The following GALNTL6 variants were observed in gnomAD, a reference collection of about 807,000 sequenced individuals.
GALNTL6 encodes polypeptide N-acetylgalactosaminyltransferase like 6.
A neutral mutation model predicts 73.7 loss-of-function variants in GALNTL6; 46 were observed. The ratio of observed to expected loss-of-function variants is 0.62; its 90% CI spans 0.49 to 0.80. The LOEUF (loss-of-function observed/expected upper bound fraction) is 0.80. Ranked by LOEUF, GALNTL6 falls within the 30% of genes least tolerant of loss-of-function variation. The pLI, the probability that GALNTL6 is intolerant of heterozygous loss-of-function variation, is 0.00. For synonymous variants in GALNTL6, 259 were observed against 263.7 expected (o/e 0.98, Z 0.17); for missense variants, 604 against 755.0 (o/e 0.80, Z 2.34).
intron 2 of GALNTL6, among the ~76,000 whole-genome samples, chr4:172,185,671 G>A (rs976674815): frequency 2.6e-5 from 4 of 152,124 alleles, no homozygotes; most frequent in African/African-American, 9.7e-5. Context: ...TTAAAAATGT[G>A]TACAAAAAGT....
chr4:172,732,179 T>C (rs1305613963), intron 5 of GALNTL6, among the ~76,000 whole-genome samples: 1 of 152,170 alleles, frequency 6.6e-6, no homozygotes, highest in Non-Finnish European at 1.5e-5. Context: ...TATCTCTTCC[T>C]TTAGGTCTAT....
chr4:172,685,492 A>G (rs1417066251), intron 5 of GALNTL6, among the ~76,000 whole-genome samples: 2 of 152,220 alleles, frequency 1.3e-5, no homozygotes, highest in Non-Finnish European at 2.9e-5. Context: ...AGGCACATTA[A>G]AGAACCGAGC....
intron 2 of GALNTL6, among the ~76,000 whole-genome samples, chr4:172,169,396 A>G (rs1266929311): frequency 6.6e-6 from 1 of 152,218 alleles, no homozygotes; most frequent in Non-Finnish European, 1.5e-5. Flanking sequence ...GTGGTTAATG[A>G]TAGAAGCCTA....
At chr4:172,682,855 A>T (rs1323877776) in intron 5 of GALNTL6, among the ~76,000 whole-genome samples, 2 of 152,070 alleles carry the variant, frequency 1.3e-5, no homozygotes, top group Non-Finnish European at 2.9e-5. Context: ...AAGGGGAAAA[A>T]AATTAGAAAA....
intron 11 of GALNTL6, among the ~76,000 whole-genome samples, chr4:173,013,054 C>G (rs548091770): frequency 1.3e-5 from 2 of 152,228 alleles, no homozygotes; most frequent in East Asian, 3.9e-4. Flanking sequence ...CTCTGTGACT[C>G]CCAGATTTAT....
chr4:172,234,385 TTG>T, intron 3 of GALNTL6, among the ~76,000 whole-genome samples: 1 of 152,146 alleles, frequency 6.6e-6, no homozygotes, highest in Non-Finnish European at 1.5e-5. Flanking sequence ...TGCCTGTCTA[TTG>T]TTAGATCAAT....
At chr4:172,337,601 C>T (rs1263573904) in intron 4 of GALNTL6, among the ~76,000 whole-genome samples, 1 of 151,176 alleles carries the variant, frequency 6.6e-6, no homozygotes, top group Non-Finnish European at 1.5e-5. Context: ...TCTCTTCTGA[C>T]TTACAAGGTT....
chr4:172,714,539 A>T (rs1246318144), intron 5 of GALNTL6, among the ~76,000 whole-genome samples: 3 of 152,182 alleles, frequency 2.0e-5, no homozygotes, highest in Non-Finnish European at 4.4e-5. Context: ...CTAAGAAAAA[A>T]ACTTGCTACA....
At chr4:171,892,403 T>C (rs113621647) in intron 2 of GALNTL6, among the ~76,000 whole-genome samples, 2,492 of 152,214 alleles carry the variant, frequency 0.016, 62 homozygotes, top group African/African-American at 0.052. Context: ...TTGATAAAAG[T>C]ATAATAGTTA....
At chr4:172,639,397 T>C (rs1290691131) in intron 5 of GALNTL6, among the ~76,000 whole-genome samples, 1 of 152,062 alleles carries the variant, frequency 6.6e-6, no homozygotes, top group Non-Finnish European at 1.5e-5. Flanking sequence ...CTTGCCTATA[T>C]CCTCAACTCA....
At chr4:172,057,757 T>TATAA (rs1491338494) in intron 2 of GALNTL6, among the ~76,000 whole-genome samples, 9 of 132,088 alleles carry the variant, frequency 6.8e-5, no homozygotes, top group African/African-American at 1.8e-4. Context: ...TATATATATA[T>TATAA]AAATCAAGTT....
intron 5 of GALNTL6, among the ~76,000 whole-genome samples, chr4:172,792,671 C>CTTTTCT (rs1553989480): frequency 7.4e-6 from 1 of 135,702 alleles, no homozygotes; most frequent in Non-Finnish European, 1.5e-5. Context: ...CATAGTTTAG[C>CTTTTCT]TTTTTTTTTT....
At position 172,003,208 on chromosome 4, in the gene GALNTL6, T is replaced by A. The variant is rs187924631; in HGVS notation, c.138+188490T>A. On this transcript the variant is annotated intron_variant, in intron 2 of 12. Transcript: ENST00000506823. The stretch of plus-strand genomic sequence containing the variant: ...GACAATTTTGCATTTTTTATAACCA[T>A]ATGAAAACTCTTTGGAGTAATACTT... Among the ~76,000 whole-genome samples, 304 of 152,212 alleles carry A rather than the reference T, an allele frequency of 2.0e-3. 2 individuals carry two copies. Among genetic ancestry groups the A allele is most frequent in the Middle Eastern group, 0.014 (4 of 294 alleles).
intron 5 of GALNTL6, among the ~76,000 whole-genome samples, chr4:172,761,691 C>CTCTCTCTT (rs1560934654): frequency 2.0e-5 from 3 of 151,916 alleles, no homozygotes; most frequent in Admixed American, 1.3e-4. Context: ...CTCTCTCTCT[C>CTCTCTCTT]TCTCTTTCTC....
At chr4:172,793,922 A>G (rs373552572) in intron 5 of GALNTL6, among the ~76,000 whole-genome samples, 1,946 of 152,100 alleles carry the variant, frequency 0.013, 44 homozygotes, top group African/African-American at 0.043. Flanking sequence ...ATATACATAC[A>G]TATGTGCATG....
chr4:172,667,633 A>G (rs1228150888), intron 5 of GALNTL6: 2 of 152,304 alleles, frequency 1.3e-5, no homozygotes, highest in East Asian at 1.9e-4. Flanking sequence ...TTGGGGTGGC[A>G]TCTTCCTCCT....
At chr4:172,874,335 A>G (rs754413432) in intron 7 of GALNTL6, among the ~76,000 whole-genome samples, 7 of 152,214 alleles carry the variant, frequency 4.6e-5, no homozygotes, top group Non-Finnish European at 1.0e-4. Context: ...ATGTGGAAAC[A>G]GATAGACTAG....
intron 3 of GALNTL6, among the ~76,000 whole-genome samples, chr4:172,288,830 T>C (rs186513157): frequency 2.3e-4 from 35 of 152,322 alleles, no homozygotes; most frequent in Admixed American, 1.0e-3. Context: ...TAAAAATTTA[T>C]GGTCATTCAA....
chr4:172,483,004 A>T (rs1384441464), intron 5 of GALNTL6, among the ~76,000 whole-genome samples: 1 of 88,650 alleles, frequency 1.1e-5, no homozygotes, highest in Non-Finnish European at 2.7e-5. Context: ...AAATGAGTTT[A>T]TGTATATATA....
Sources: gnomAD v4.1 joint callset for allele counts (sites outside exome capture counted in the v4.1 genomes callset) on GRCh38, gnomAD v4.1.1 for gene constraint, MANE v1.5 for transcripts, NCBI Gene and HGNC (gene_info 2026-07-23, HGNC 2026-07-21) for gene names.